Variants in GABRB2 observed in about 807,000 individuals in gnomAD.
GABRB2 encodes gamma-aminobutyric acid receptor subunit beta-2.
GABRB2 carries 16 observed loss-of-function variants against 54.7 expected under a neutral mutation model. That is an observed-to-expected ratio of 0.29 (90% CI 0.20 to 0.44). The LOEUF (loss-of-function observed/expected upper bound fraction) is 0.44. Among genes scored for constraint, GABRB2 ranks in the 20% least tolerant of loss-of-function variants. GABRB2 has a pLI of 1.00. For missense variants in GABRB2, 355 were observed against 644.0 expected, an observed-to-expected ratio of 0.55 and a Z score of 4.86; for synonymous variants, 244 against 233.8, an observed-to-expected ratio of 1.04 and a Z score of -0.40.
chr5:161,521,408 A>G (rs1760111374), intron 3 of GABRB2, among the ~76,000 whole-genome samples: 1 of 151,922 alleles, frequency 6.6e-6, no homozygotes. Flanking sequence ...ATATAACTTT[A>G]GGTGATAACC....
intron 9 of GABRB2, among the ~76,000 whole-genome samples, chr5:161,298,632 T>A (rs938965440): frequency 5.9e-5 from 9 of 152,230 alleles, no homozygotes; most frequent in African/African-American, 2.2e-4. Context: ...TTGAGTTTCT[T>A]CCCTGCTCTA....
chr5:161,398,336 A>G (rs1191025721), intron 5 of GABRB2, among the ~76,000 whole-genome samples: 1 of 152,214 alleles, frequency 6.6e-6, no homozygotes. Context: ...AAGATAACAC[A>G]GGACATAATC....
At chr5:161,442,688 C>T (rs931790454) in intron 4 of GABRB2, among the ~76,000 whole-genome samples, 1 of 152,154 alleles carries the variant, frequency 6.6e-6, no homozygotes, top group African/African-American at 2.4e-5. Flanking sequence ...CAAAGAATTC[C>T]CAGCCACTGA....
chr5:161,418,997 T>C (rs1402878484), intron 4 of GABRB2, among the ~76,000 whole-genome samples: 3 of 152,066 alleles, frequency 2.0e-5, no homozygotes, highest in Non-Finnish European at 4.4e-5. Flanking sequence ...CATGGTGGCA[T>C]ATGCCTGTGG....
chr5:161,531,383 C>T (rs1402734041), intron 3 of GABRB2, among the ~76,000 whole-genome samples: 1 of 152,114 alleles, frequency 6.6e-6, no homozygotes, highest in African/African-American at 2.4e-5. Context: ...TAAAAGCCAG[C>T]TGTTCAATTA....
At position 161,294,351 on chromosome 5, in the gene GABRB2, T is replaced by C; in HGVS notation, c.1269A>G (p.Gly423=). The C allele has an allele frequency of 6.2e-7, 1 of 1,614,094 alleles. No individual in the cohort carries two copies. The highest frequency in any genetic ancestry group is 1.6e-4 in the Middle Eastern group (1 of 6,062). ...NEMATSEAVM[G]LGDPRSTMLA... ...GCATTGTGCTTCTGGGGTCTCCAAG[T>C]CCCATCACAGCCTCAGATGTGGCCA... The change falls in exon 10 of 10, where the codon GGA becomes GGG. Residue 423 remains glycine, a synonymous_variant. Transcript: ENST00000393959.
At chr5:161,478,419 T>G (rs2113318747) in intron 3 of GABRB2, among the ~76,000 whole-genome samples, 1 of 152,202 alleles carries the variant, frequency 6.6e-6, no homozygotes, top group East Asian at 1.9e-4. Flanking sequence ...ATGTTGGTCA[T>G]GAAAATGATC....
chr5:161,392,490 A>C (rs1028381184), intron 5 of GABRB2, among the ~76,000 whole-genome samples: 1 of 152,216 alleles, frequency 6.6e-6, no homozygotes, highest in Non-Finnish European at 1.5e-5. Flanking sequence ...ATGCTCCTTC[A>C]GTAACAAAAT....
rs147301201 is a variant in GABRB2, at chr5:161,383,736, T to C, written c.541+27239A>G. Among the ~76,000 whole-genome samples, 1,145 of 152,290 alleles carry C rather than the reference T, an allele frequency of 7.5e-3. 15 individuals carry two copies. Among genetic ancestry groups the C allele is most frequent in the African/African-American group, 0.025 (1,025 of 41,572 alleles). ...TACATCCAACCCTCTTCCCCCACCA[T>C]AGATTATTTTGAACCAAATCCCAGG... On this transcript the variant is annotated intron_variant, in intron 5 of 9. Coordinates refer to ENST00000393959, the MANE Select transcript of GABRB2 (RefSeq NM_001371727.1).
chr5:161,313,790 G>A lies in GABRB2; in HGVS notation c.1191+12578C>T, dbSNP rs548031614. 7.9e-5 allele frequency among the ~76,000 whole-genome samples: 12 copies of A among 152,306 alleles called. No individual in the cohort carries two copies. In the Middle Eastern group the frequency reaches 0.01, roughly 130 times the overall value. On this transcript the variant is annotated intron_variant, in intron 9 of 9. Transcript: ENST00000393959. Reference sequence around the variant, plus strand: ...AAATGAGGGAACTGGTGCTCTGAGCGCTTTCCTATCCTCACATAGTGATTA... The same window carrying A: ...AAATGAGGGAACTGGTGCTCTGAGCACTTTCCTATCCTCACATAGTGATTA...
chr5:161,378,645 GTAGA>G (rs1335093851), intron 5 of GABRB2, among the ~76,000 whole-genome samples: 1 of 152,108 alleles, frequency 6.6e-6, no homozygotes. Context: ...ATTTCTAAGA[GTAGA>G]TAAAGGGCAT....
chr5:161,382,982 A>G (rs1755513382), intron 5 of GABRB2, among the ~76,000 whole-genome samples: 1 of 152,174 alleles, frequency 6.6e-6, no homozygotes, highest in Non-Finnish European at 1.5e-5. Flanking sequence ...GATGGACATC[A>G]ATAAATAGGG....
At chr5:161,541,446 A>T (rs1340497758) in intron 3 of GABRB2, among the ~76,000 whole-genome samples, 6 of 152,222 alleles carry the variant, frequency 3.9e-5, no homozygotes, top group African/African-American at 1.4e-4. Context: ...CTTAGATGTC[A>T]TCTTCTTCTG....
chr5:161,334,694 C>A lies in GABRB2; in HGVS notation c.832+58G>T, dbSNP rs927619779. ...TCAGGATAAGGAAAACGCGTGCATGCGAACACAGAAATGTACACACAGAGT... is the reference window on the plus strand; with the variant it reads ...TCAGGATAAGGAAAACGCGTGCATGAGAACACAGAAATGTACACACAGAGT... On this transcript the variant is annotated intron_variant, in intron 7 of 9. Coordinates refer to ENST00000393959, the MANE Select transcript of GABRB2 (RefSeq NM_001371727.1). The A allele has an allele frequency of 1.0e-5, 16 of 1,571,308 alleles. No homozygotes were observed. The East Asian group carries it at 2.2e-4, about 22-fold the overall frequency.
At chr5:161,444,500 G>A (rs1757555511) in intron 4 of GABRB2, among the ~76,000 whole-genome samples, 1 of 152,048 alleles carries the variant, frequency 6.6e-6, no homozygotes, top group African/African-American at 2.4e-5. Flanking sequence ...TGACATTTCT[G>A]TTTATCTTTG....
At chr5:161,511,791 C>T (rs895891462) in intron 3 of GABRB2, among the ~76,000 whole-genome samples, 1 of 151,958 alleles carries the variant, frequency 6.6e-6, no homozygotes, top group Non-Finnish European at 1.5e-5. Flanking sequence ...ATTGTCTTCC[C>T]ATTATGAATG....
intron 4 of GABRB2, among the ~76,000 whole-genome samples, chr5:161,428,981 A>G (rs1757090676): frequency 6.6e-6 from 1 of 152,042 alleles, no homozygotes; most frequent in Non-Finnish European, 1.5e-5. Context: ...AATGTAAAAT[A>G]ATTATATTTA....
chr5:161,396,518 T>A (rs1017077498), intron 5 of GABRB2, among the ~76,000 whole-genome samples: 2 of 152,032 alleles, frequency 1.3e-5, no homozygotes, highest in Non-Finnish European at 2.9e-5. Flanking sequence ...CTTGAAAGAG[T>A]CTTTTTACAT....
Position 161,518,132 on chromosome 5 carries a change from A to G in GABRB2, c.237+27095T>C, listed in dbSNP as rs112676714. ...CAATTTCTGATTTTTTCATGAGAGA[A>G]TGCTGAGGTACATTTGAAGAAAAGA... On this transcript the variant is annotated intron_variant, in intron 3 of 9. Transcript: ENST00000393959. Among the ~76,000 whole-genome samples the G allele has an allele frequency of 5.7e-3, 869 of 152,234 alleles. 8 individuals carry two copies. Among genetic ancestry groups the G allele is most frequent in the African/African-American group, 0.02 (812 of 41,536 alleles).
Sources: gnomAD v4.1 joint callset for allele counts (sites outside exome capture counted in the v4.1 genomes callset) on GRCh38, gnomAD v4.1.1 for gene constraint, MANE v1.5 for transcripts, NCBI Gene and HGNC (gene_info 2026-07-23, HGNC 2026-07-21) for gene names.